The following RSPH1 variants were observed in gnomAD, a reference collection of about 807,000 sequenced individuals.
The protein encoded by RSPH1 is radial spoke head component 1.
RSPH1 carries 32 observed loss-of-function variants against 44.2 expected under a neutral mutation model. The observed-to-expected ratio is 0.72, with a 90% CI of 0.55 to 0.97. The LOEUF (loss-of-function observed/expected upper bound fraction) is 0.97, where lower values mean the gene tolerates loss of function less well. RSPH1 is among the 50% of genes least tolerant of loss of function. The pLI is 0.00. For synonymous variants in RSPH1, 134 were observed against 147.3 expected (o/e 0.91, Z 0.65); for missense variants, 391 against 398.7 (o/e 0.98, Z 0.16).
intron 6 of RSPH1, 116 bp downstream of exon 6, chr21:42,482,521 G>A: frequency 1.4e-5 from 9 of 660,576 alleles, no homozygotes; most frequent in Non-Finnish European, 2.1e-5. Flanking sequence ...AAATGTGAAA[G>A]TGCCTAAGAG....
At position 42,496,117 on chromosome 21, in the gene RSPH1, C is replaced by T. The variant is rs2054285764; in HGVS notation, c.54+16G>A. ...CTGCGCACCCTGGGAAGCCCTTTCT[C>T]ACCAGGAGCTCTCACCCCAATATCA... On this transcript the variant is annotated intron_variant, in intron 1 of 8. Transcript: ENST00000291536. 3 of 1,614,010 alleles carry T rather than the reference C, an allele frequency of 1.9e-6. No homozygotes were observed. Among genetic ancestry groups the T allele is most frequent in the African/African-American group, 1.3e-5 (1 of 74,940 alleles).
At chr21:42,480,996 C>T (rs773001307) in intron 6 of RSPH1, among the ~76,000 whole-genome samples, 8 of 152,118 alleles carry the variant, frequency 5.3e-5, no homozygotes, top group Non-Finnish European at 8.8e-5. Flanking sequence ...AAAAACAAAA[C>T]GAGGTGACTT....
chr21:42,476,801 C>T (rs866814748), intron 7 of RSPH1, among the ~76,000 whole-genome samples: 4 of 152,162 alleles, frequency 2.6e-5, no homozygotes, highest in African/African-American at 9.7e-5. Context: ...CTTTCCTCTC[C>T]CCTCCGCTCT....
chr21:42,473,868 C>A lies in RSPH1; in HGVS notation c.878-998G>T, dbSNP rs371220381. Among the ~76,000 whole-genome samples, 41 of 152,238 alleles carry A rather than the reference C, an allele frequency of 2.7e-4. 1 individual carries two copies. In the East Asian group the frequency reaches 7.7e-3, roughly 29 times the overall value. The stretch of plus-strand genomic sequence containing the variant: ...ATGCCAGCAGCACCTCCCTCACCAG[C>A]CTCCCAAGTCTCCAGACATTGCCAA... On this transcript the variant is annotated intron_variant, in intron 8 of 8. Coordinates refer to ENST00000291536, the MANE Select transcript of RSPH1 (RefSeq NM_080860.4).
chr21:42,475,890 G>A lies in RSPH1; in HGVS notation c.877+8C>T. The A allele has an allele frequency of 6.2e-7, 1 of 1,609,370 alleles. No homozygotes were observed. The highest frequency in any genetic ancestry group is 1.1e-5 in the South Asian group (1 of 90,374). On this transcript the variant is annotated splice_region_variant and intron_variant, in intron 8 of 8. Transcript: ENST00000291536. ...CCCTCGCCCCACTTCCCTGCGCAGG[G>A]ACCTCACCCTCATCCATGTCATAGC... is the stretch of plus-strand genomic sequence containing the variant.
rs2146668887 is a variant in RSPH1, at chr21:42,496,182, G to A, written c.5C>T (p.Ser2Leu). The A allele has an allele frequency of 1.2e-6, 2 of 1,614,140 alleles. No homozygotes were observed. Among genetic ancestry groups the A allele is most frequent in the Non-Finnish European group, 1.7e-6 (2 of 1,180,016 alleles). The change falls in exon 1 of 9, where the codon TCG (serine) becomes TTG (leucine). Residue 2 changes from serine (S) to leucine (L), a missense_variant. Ser to Leu is a moderately radical substitution (Grantham distance 145, BLOSUM62 -2). Coordinates refer to ENST00000291536, the MANE Select transcript of RSPH1 (RefSeq NM_080860.4). The stretch of plus-strand genomic sequence containing the variant: ...CTCCAACTCCTCCGAGCCCAGGTCC[G>A]ACATGGTCTCGCCCCAGCCTGGATC... Reference protein sequence around the residue: MSDLGSEELEEE... With the variant: MLDLGSEELEEE...
chr21:42,488,473 A>G (rs1003974334), intron 3 of RSPH1, among the ~76,000 whole-genome samples: 3 of 152,224 alleles, frequency 2.0e-5, no homozygotes, highest in Non-Finnish European at 4.4e-5. Context: ...AAACAGGTAC[A>G]TCATTTGGTT....
intron 6 of RSPH1, among the ~76,000 whole-genome samples, chr21:42,480,972 G>C (rs1396090591): frequency 6.6e-6 from 1 of 152,132 alleles, no homozygotes; most frequent in Non-Finnish European, 1.5e-5. Context: ...GCTTGACGAG[G>C]GACACAGCAA....
chr21:42,483,256 A>G (rs1321347430), intron 5 of RSPH1, among the ~76,000 whole-genome samples: 2 of 150,074 alleles, frequency 1.3e-5, no homozygotes, highest in Non-Finnish European at 3.0e-5. Context: ...TTTTTTTTAC[A>G]AAGAACGCTC....
intron 6 of RSPH1, among the ~76,000 whole-genome samples, chr21:42,479,780 G>A (rs561514351): frequency 5.9e-5 from 9 of 151,688 alleles, no homozygotes; most frequent in African/African-American, 1.9e-4. Flanking sequence ...GTGGAACCTC[G>A]GGGGAGGACA....
At chr21:42,483,462 G>GT (rs569622849) in intron 5 of RSPH1, among the ~76,000 whole-genome samples, 7 of 71,980 alleles carry the variant, frequency 9.7e-5, no homozygotes, top group East Asian at 3.0e-4. Flanking sequence ...ATTTTTACAT[G>GT]TTTTTTTATA....
In RSPH1 at chr21:42,476,004, G is replaced by A. The variant is rs746852023; in HGVS notation, c.771C>T (p.Gly257=). ...GCCTCATGTCCATCTCACCCTCGAA[G>A]CCCTCCAGCAGAGCCTGGGCCTCCT... ...PGEEAQALLE[G]FEGEMDMRPG... The change falls in exon 8 of 9, where the codon GGC becomes GGT. Residue 257 remains glycine (G), a synonymous_variant. Transcript: ENST00000291536. 1 of 1,613,148 alleles carries A rather than the reference G, an allele frequency of 6.2e-7. No individual in the cohort carries two copies. Among genetic ancestry groups the A allele is most frequent in the Non-Finnish European group, 8.5e-7 (1 of 1,179,834 alleles).
intron 8 of RSPH1, among the ~76,000 whole-genome samples, chr21:42,473,868 C>G (rs371220381): frequency 6.6e-6 from 1 of 152,120 alleles, no homozygotes; most frequent in Non-Finnish European, 1.5e-5. Flanking sequence ...CCCTCACCAG[C>G]CTCCCAAGTC....
At chr21:42,485,862 G>A (rs2054176138) in intron 4 of RSPH1, 58 bp from the exon 5 acceptor site, 1 of 1,606,920 alleles carries the variant, frequency 6.2e-7, no homozygotes, top group South Asian at 1.1e-5. Context: ...AATCTCCCAG[G>A]TTTAAAACAC....
In RSPH1 at chr21:42,485,737, G is replaced by T. The variant is rs778786028; in HGVS notation, c.433C>A (p.Gln145Lys). ...ATGAGCTCGGCCGTGCCCTCCTGCT[G>T]TCCGTTCACCCAGGTGCCAACATAC... ...SKYVGTWVNGQQEGTAELIHL... is the reference protein window; with the variant it reads ...SKYVGTWVNGKQEGTAELIHL... The change falls in exon 5 of 9, where the codon CAG becomes AAG. Residue 145 changes from glutamine to lysine, a missense_variant. Physicochemically the swap from Gln to Lys is moderately conservative, Grantham distance 53 (BLOSUM62 1). Transcript: ENST00000291536. 2.5e-6 allele frequency: 4 copies of T among 1,614,150 alleles called. No individual in the cohort carries two copies. The highest frequency in any genetic ancestry group is 2.5e-6 in the Non-Finnish European group (3 of 1,179,992).
At chr21:42,475,615 G>A (rs2054038462) in intron 8 of RSPH1, among the ~76,000 whole-genome samples, 1 of 147,242 alleles carries the variant, frequency 6.8e-6, no homozygotes, top group South Asian at 2.4e-4. Flanking sequence ...GGCTCTGCAT[G>A]TCTGACAGGG....
chr21:42,475,643 G>A (rs1472327690), intron 8 of RSPH1, among the ~76,000 whole-genome samples: 7 of 144,426 alleles, frequency 4.8e-5, no homozygotes, highest in East Asian at 2.1e-4. Context: ...GCCTGGGGTC[G>A]GTCCTCCTGT....
intron 6 of RSPH1, 33 bp from the exon 7 acceptor site, chr21:42,477,477 C>A (rs2054080259): frequency 6.2e-7 from 1 of 1,605,100 alleles, no homozygotes; most frequent in Non-Finnish European, 8.5e-7. Context: ...CATTTACCAA[C>A]ATTTGTGTCA....
At chr21:42,479,777 C>A (rs56387662) in intron 6 of RSPH1, among the ~76,000 whole-genome samples, 3,180 of 151,496 alleles carry the variant, frequency 0.021, 105 homozygotes, top group African/African-American at 0.073. Flanking sequence ...GAAGTGGAAC[C>A]TCGGGGGAGG....
Sources: allele counts gnomAD v4.1 joint callset (sites outside exome capture counted in the v4.1 genomes callset), GRCh38; gene constraint gnomAD v4.1.1; transcripts MANE v1.5; gene names NCBI Gene and HGNC (gene_info 2026-07-23, HGNC 2026-07-21).